The following SGCD variants were observed in gnomAD, a reference collection of about 807,000 sequenced individuals.
The protein encoded by SGCD is delta-sarcoglycan.
Under a neutral mutation model 36.6 loss-of-function variants are expected in SGCD, and 18 were observed. The ratio of observed to expected loss-of-function variants is 0.49; its 90% CI spans 0.34 to 0.73. SGCD has a LOEUF of 0.73. SGCD is among the 30% of genes least tolerant of loss of function. The pLI is 0.01. For missense variants in SGCD, 387 were observed against 346.7 expected (o/e 1.12, Z -0.92); for synonymous variants, 133 against 130.6 (o/e 1.02, Z -0.12).
At chr5:156,718,759 A>C (rs981843260) in intron 7 of SGCD, among the ~76,000 whole-genome samples, 2 of 151,276 alleles carry the variant, frequency 1.3e-5, no homozygotes, top group Admixed American at 6.6e-5. Context: ...GCTTGAAGCC[A>C]TGAGTTCAAG....
chr5:156,360,570 G>A (rs148008373), intron 3 of SGCD, among the ~76,000 whole-genome samples: 1 of 152,026 alleles, frequency 6.6e-6, no homozygotes, highest in African/African-American at 2.4e-5. Context: ...TTTGAGTGCT[G>A]TCTTCACTTT....
chr5:155,798,846 G>A, the SGCD span, among the ~76,000 whole-genome samples: 17 of 152,252 alleles, frequency 1.1e-4, no homozygotes, highest in African/African-American at 4.1e-4. Context: ...GTTTCCCCAT[G>A]GCTTCTAAAC....
chr5:155,856,063 G>A, the SGCD span, among the ~76,000 whole-genome samples: 1 of 152,158 alleles, frequency 6.6e-6, no homozygotes, highest in African/African-American at 2.4e-5. Context: ...CAGATTAAAT[G>A]TTGCAGAAGA....
intron 1 of SGCD, among the ~76,000 whole-genome samples, chr5:156,026,310 A>G (rs1759225570): frequency 6.6e-6 from 1 of 152,224 alleles, no homozygotes; most frequent in Non-Finnish European, 1.5e-5. Context: ...TGTATTGGAG[A>G]CAATCAAATA....
At chr5:156,195,971 G>A (rs988692989) in intron 3 of SGCD, among the ~76,000 whole-genome samples, 1 of 152,110 alleles carries the variant, frequency 6.6e-6, no homozygotes, top group Non-Finnish European at 1.5e-5. Flanking sequence ...GAGAGCTGCA[G>A]GTTTCAGCTT....
At chr5:156,435,732 G>T (rs767524341) in intron 3 of SGCD, among the ~76,000 whole-genome samples, 2 of 152,098 alleles carry the variant, frequency 1.3e-5, no homozygotes, top group African/African-American at 4.8e-5. Flanking sequence ...GCTACTAACT[G>T]TTTAAAAAAT....
intron 3 of SGCD, among the ~76,000 whole-genome samples, chr5:156,496,686 T>A (rs994518302): frequency 6.6e-6 from 1 of 152,076 alleles, no homozygotes; most frequent in African/African-American, 2.4e-5. Flanking sequence ...TATGCAGTGG[T>A]TCTTAAAGCA....
rs1297269676 is a variant in SGCD, at chr5:155,922,452, ACAG to A, written c.-282+52031_-282+52033del. Among the ~76,000 whole-genome samples, 15 of 152,294 alleles carry A rather than the reference ACAG, an allele frequency of 9.8e-5. No individual in the cohort carries two copies. The East Asian group carries it at 2.9e-3, about 29-fold the overall frequency. On this transcript the variant is annotated intron_variant, in intron 1 of 9. Transcript: ENST00000517913. ...AACCCTGGGTAGAATGAGCATATGCACAGCAACAGGATAAACATGAACTATCTC... is the reference window on the plus strand; with the variant it reads ...AACCCTGGGTAGAATGAGCATATGCACAACAGGATAAACATGAACTATCTC...
At chr5:156,387,302 C>A (rs1301782707) in intron 3 of SGCD, among the ~76,000 whole-genome samples, 1 of 152,170 alleles carries the variant, frequency 6.6e-6, no homozygotes, top group Admixed American at 6.5e-5. Flanking sequence ...GATTCTGTTT[C>A]TGGGTGCAGT....
intron 4 of SGCD, among the ~76,000 whole-genome samples, chr5:156,555,556 T>C (rs934466397): frequency 2.0e-5 from 3 of 152,172 alleles, no homozygotes; most frequent in African/African-American, 7.2e-5. Flanking sequence ...TGCTGAATCC[T>C]CAATTTTATT....
chr5:156,335,659 C>T (rs1366570139), intron 2 of SGCD, among the ~76,000 whole-genome samples: 4 of 152,154 alleles, frequency 2.6e-5, no homozygotes, highest in African/African-American at 9.7e-5. Context: ...ACTCCATCCC[C>T]CTCCTGCCCT....
intron 3 of SGCD, among the ~76,000 whole-genome samples, chr5:156,368,847 T>G (rs1459950015): frequency 1.3e-5 from 2 of 152,202 alleles, no homozygotes; most frequent in Non-Finnish European, 2.9e-5. Context: ...GGGCTCCCAC[T>G]GATTCTACAT....
intron 3 of SGCD, among the ~76,000 whole-genome samples, chr5:156,470,534 C>T (rs1300067627): frequency 6.6e-6 from 1 of 151,910 alleles, no homozygotes; most frequent in Non-Finnish European, 1.5e-5. Context: ...TGATGTTCCC[C>T]TTCCTGTGTC....
In SGCD at chr5:156,461,433, T is replaced by C. The variant is rs572707264; in HGVS notation, c.193-47168T>C. Among the ~76,000 whole-genome samples the C allele has an allele frequency of 1.1e-4, 16 of 152,212 alleles. 1 individual carries two copies. Among genetic ancestry groups the C allele is most frequent in the African/African-American group, 3.9e-4 (16 of 41,546 alleles). ...TGAGGAGAACTTTATTACTATGAAA[T>C]GAGAGTAAATTTAATGTGACAAACA... On this transcript the variant is annotated intron_variant, in intron 3 of 8. Coordinates refer to ENST00000337851, the MANE Select transcript of SGCD (RefSeq NM_000337.6).
chr5:156,204,472 A>G (rs1007059211), intron 3 of SGCD, among the ~76,000 whole-genome samples: 1 of 96,840 alleles, frequency 1.0e-5, no homozygotes, highest in African/African-American at 4.7e-5. Flanking sequence ...CAACACACTC[A>G]TACACACACA....
chr5:155,799,013 A>G, the SGCD span, among the ~76,000 whole-genome samples: 11 of 152,182 alleles, frequency 7.2e-5, no homozygotes, highest in Non-Finnish European at 1.5e-4. Context: ...TTCCTGTTAT[A>G]ATTAAATCAT....
chr5:156,425,337 G>T (rs1383850444), intron 3 of SGCD, among the ~76,000 whole-genome samples: 1 of 151,984 alleles, frequency 6.6e-6, no homozygotes, highest in African/African-American at 2.4e-5. Flanking sequence ...CTGCCTTCAA[G>T]AATTGATGTT....
intron 1 of SGCD, among the ~76,000 whole-genome samples, chr5:155,982,148 C>G (rs903809454): frequency 6.6e-6 from 1 of 152,100 alleles, no homozygotes; most frequent in African/African-American, 2.4e-5. Flanking sequence ...GTGATAGGTG[C>G]CTTGAAGGCG....
chr5:156,247,871 A>T (rs1191748061), intron 3 of SGCD, among the ~76,000 whole-genome samples: 1 of 152,128 alleles, frequency 6.6e-6, no homozygotes, highest in Non-Finnish European at 1.5e-5. Context: ...GCCTTTGGGG[A>T]CCCAGCCCCT....
Sources: gnomAD v4.1 joint callset for allele counts (sites outside exome capture counted in the v4.1 genomes callset) on GRCh38, gnomAD v4.1.1 for gene constraint, MANE v1.5 for transcripts, NCBI Gene and HGNC (gene_info 2026-07-23, HGNC 2026-07-21) for gene names.